Variants in OTUD3 observed in about 807,000 individuals in gnomAD.
The protein encoded by OTUD3 is OTU domain-containing protein 3.
In OTUD3, 24 loss-of-function variants were observed where a neutral mutation model predicts 46.2. That is an observed-to-expected ratio of 0.52 (90% CI 0.38 to 0.73). OTUD3 has a LOEUF of 0.73. OTUD3 is among the 30% of genes least tolerant of loss of function. OTUD3 has a pLI of 0.00. For synonymous variants in OTUD3, 189 were observed against 195.4 expected (o/e 0.97, Z 0.27); for missense variants, 455 against 523.3 (o/e 0.87, Z 1.27).
intron 4 of OTUD3, among the ~76,000 whole-genome samples, chr1:19,900,364 A>AT (rs1186580789): frequency 6.6e-6 from 1 of 151,670 alleles, no homozygotes; most frequent in South Asian, 2.1e-4. Flanking sequence ...CTAATTTTTT[A>AT]TTTTTTGTAG....
rs749611387 is a variant in OTUD3, at chr1:19,906,589, C to T, written c.993C>T (p.Asn331=). ...NKAQASPSEE[N]KANKNQLAKV... is the part of the protein sequence containing the mutation. Reference sequence around the variant, plus strand: ...CACAGGCCAGCCCTAGTGAAGAAAACAAAGCAAATAAAAACCAGCTCGCAA... The same window carrying T: ...CACAGGCCAGCCCTAGTGAAGAAAATAAAGCAAATAAAAACCAGCTCGCAA... Residue 331 remains asparagine (N), a synonymous_variant, in exon 7 of 8, where the codon AAC becomes AAT. Coordinates refer to ENST00000375120, the MANE Select transcript of OTUD3 (RefSeq NM_015207.2). 6.2e-7 allele frequency: 1 copy of T among 1,612,076 alleles called. No homozygotes were observed. The highest frequency in any genetic ancestry group is 8.5e-7 in the Non-Finnish European group (1 of 1,179,380).
chr1:19,893,101 C>G (rs1477155866), intron 2 of OTUD3, among the ~76,000 whole-genome samples: 1 of 152,156 alleles, frequency 6.6e-6, no homozygotes, highest in Non-Finnish European at 1.5e-5. Flanking sequence ...GCTTAGTTGT[C>G]TCAGTTGAGA....
Position 19,904,378 on chromosome 1 carries a change from T to C in OTUD3, c.718T>C (p.Cys240Arg). The change falls in exon 5 of 8, where the codon TGT (cysteine) becomes CGT (arginine). Residue 240 changes from cysteine to arginine, a missense_variant. Physicochemically the swap from Cys to Arg is radical, Grantham distance 180. Coordinates refer to ENST00000375120, the MANE Select transcript of OTUD3 (RefSeq NM_015207.2). ...DEVEDAVQKV[C>R]NATGCSDFNL... is the part of the protein sequence containing the mutation. ...AGTAGAGGATGCTGTCCAGAAAGTTTGTAATGCAACTGGATGTTCAGTTAG... is the reference window on the plus strand; with the variant it reads ...AGTAGAGGATGCTGTCCAGAAAGTTCGTAATGCAACTGGATGTTCAGTTAG... The C allele has an allele frequency of 1.2e-6, 2 of 1,612,568 alleles. No individual in the cohort carries two copies. The highest frequency in any genetic ancestry group is 1.1e-5 in the South Asian group (1 of 90,698).
At chr1:19,891,835 C>T (rs2045451138) in intron 2 of OTUD3, among the ~76,000 whole-genome samples, 1 of 152,208 alleles carries the variant, frequency 6.6e-6, no homozygotes, top group Non-Finnish European at 1.5e-5. Context: ...TCACTGAGTT[C>T]AGATGGTCCC....
intron 2 of OTUD3, among the ~76,000 whole-genome samples, chr1:19,894,058 C>A (rs935888161): frequency 1.3e-5 from 2 of 152,214 alleles, no homozygotes; most frequent in African/African-American, 4.8e-5. Context: ...CTAATGCAAG[C>A]TGCTAAGATT....
chr1:19,891,276 T>G (rs1461992491), intron 2 of OTUD3, among the ~76,000 whole-genome samples: 2 of 152,264 alleles, frequency 1.3e-5, no homozygotes, highest in Non-Finnish European at 2.9e-5. Flanking sequence ...TATGAACTTG[T>G]AAACTTTAAT....
intron 6 of OTUD3, among the ~76,000 whole-genome samples, chr1:19,905,862 T>C (rs1031967900): frequency 6.6e-6 from 1 of 152,230 alleles, no homozygotes; most frequent in African/African-American, 2.4e-5. Flanking sequence ...ATCATAGTGC[T>C]CCATGTGATG....
chr1:19,900,450 A>G (rs1025882212), intron 4 of OTUD3, among the ~76,000 whole-genome samples: 1 of 152,018 alleles, frequency 6.6e-6, no homozygotes, highest in African/African-American at 2.4e-5. Context: ...TCGACCACCC[A>G]AAGTGTTGAG....
Position 19,890,455 on chromosome 1 carries a change from G to C in OTUD3, c.292G>C (p.Glu98Gln), listed in dbSNP as rs554603015. The change falls in exon 2 of 8, where the codon GAG (glutamate) becomes CAG (glutamine). Residue 98 changes from glutamate to glutamine, a missense_variant. Physicochemically the swap from Glu to Gln is conservative, Grantham distance 29 (BLOSUM62 2). Transcript: ENST00000375120. Reference sequence around the variant, plus strand: ...ACGAAATCATCTCAAGCACAGACAGGAGACAGTGGACTACATGATAAAGCA... The same window carrying C: ...ACGAAATCATCTCAAGCACAGACAGCAGACAGTGGACTACATGATAAAGCA... ...HSRNHLKHRQETVDYMIKQRE... is the reference protein window; with the variant it reads ...HSRNHLKHRQQTVDYMIKQRE... 6.2e-7 allele frequency: 1 copy of C among 1,613,902 alleles called. No homozygotes were observed. The highest frequency in any genetic ancestry group is 8.5e-7 in the Non-Finnish European group (1 of 1,179,788).
At chr1:19,890,271 T>A in intron 1 of OTUD3, 114 bp from the exon 2 acceptor site, 1 of 1,051,046 alleles carries the variant, frequency 9.5e-7, no homozygotes, top group Middle Eastern at 2.2e-4. Flanking sequence ...GAGTTGAGTC[T>A]TTACCTCTGT....
rs928690779 is a variant in OTUD3, at chr1:19,911,700, T to C, written c.*3954T>C. The C allele has an allele frequency of 7.2e-5, 11 of 152,292 alleles. No individual in the cohort carries two copies. The highest frequency in any genetic ancestry group is 2.4e-4 in the African/African-American group (10 of 41,422). The allele number at this position is 152,292 out of a possible 1,614,324, so 9.4% of individuals were successfully genotyped here. On this transcript the variant is annotated 3_prime_UTR_variant, in exon 8 of 8. Coordinates refer to ENST00000375120, the MANE Select transcript of OTUD3 (RefSeq NM_015207.2). ...ACCCTGCCCGGCCAGTAAATTGTAT[T>C]TTTTTAATGACATCATTGATTTGAA...
rs1447775752 is a variant in OTUD3 at position 19,912,326 on chromosome 1, A to T, written c.*4580A>T. The T allele has an allele frequency of 2.0e-5, 3 of 152,360 alleles. No homozygotes were observed. The South Asian group carries it at 6.2e-4, about 32-fold the overall frequency. The allele number at this position is 152,360 out of a possible 1,614,324, so 9.4% of individuals were successfully genotyped here. On this transcript the variant is annotated 3_prime_UTR_variant, in exon 8 of 8. Coordinates refer to ENST00000375120, the MANE Select transcript of OTUD3 (RefSeq NM_015207.2). ...GGTTTGATCCCTGGCAGGTCCCTCGAGCAGTACTGGTAAGAGGCTTCACAC... is the reference window on the plus strand; with the variant it reads ...GGTTTGATCCCTGGCAGGTCCCTCGTGCAGTACTGGTAAGAGGCTTCACAC...
Position 19,882,552 on chromosome 1 carries a change from C to T in OTUD3, c.39C>T (p.Ser13=), listed in dbSNP as rs1357866415. The T allele has an allele frequency of 1.5e-6, 2 of 1,352,292 alleles. No homozygotes were observed. The highest frequency in any genetic ancestry group is 1.9e-5 in the South Asian group (1 of 52,028). 83.8% of individuals were successfully genotyped at this position (1,352,292 alleles called of 1,614,324 possible). A position where few individuals can be genotyped will look rare whatever the true frequency, so the allele number is the denominator to read the frequency against. Residue 13 remains serine (S), a synonymous_variant, in exon 1 of 8, where the codon AGC becomes AGT. Coordinates refer to ENST00000375120, the MANE Select transcript of OTUD3 (RefSeq NM_015207.2). The part of the protein sequence containing the change: ...RKQAAKSRPG[S]GSRKAEAERK... ...AGGCGGCGAAGAGCCGGCCGGGCAG[C>T]GGCAGCCGGAAAGCCGAGGCCGAGC...
rs1355140013 is a variant in OTUD3 at position 19,904,895 on chromosome 1, T to G, written c.743T>G (p.Phe248Cys). 3 of 1,504,926 alleles carry G rather than the reference T, an allele frequency of 2.0e-6. No homozygotes were observed. The highest frequency in any genetic ancestry group is 9.2e-7 in the Non-Finnish European group (1 of 1,091,562). The allele number at this position is 1,504,926 out of a possible 1,614,324, so 93.2% of individuals were successfully genotyped here. The change falls in exon 6 of 8, where the codon TTT (phenylalanine) becomes TGT (cysteine). Residue 248 changes from phenylalanine to cysteine, a missense_variant. Phe to Cys is a radical substitution (Grantham distance 205). Transcript: ENST00000375120. Reference protein sequence around the residue: ...KVCNATGCSDFNLIVQNLEAE... With the variant: ...KVCNATGCSDCNLIVQNLEAE... ...GTTTGTTTGTTTCTTGGATAGGATT[T>G]TAATTTAATAGTCCAGAACCTGGAA...
chr1:19,889,407 A>T (rs1288914140), intron 1 of OTUD3, among the ~76,000 whole-genome samples: 1 of 152,084 alleles, frequency 6.6e-6, no homozygotes, highest in East Asian at 1.9e-4. Flanking sequence ...TTTCCTACAC[A>T]TTTAGACATG....
chr1:19,883,583 T>G (rs1285088085), intron 1 of OTUD3, among the ~76,000 whole-genome samples: 2 of 152,150 alleles, frequency 1.3e-5, no homozygotes, highest in Non-Finnish European at 2.9e-5. Flanking sequence ...ATTTGAGTGC[T>G]CAGATCCTGC....
intron 4 of OTUD3, among the ~76,000 whole-genome samples, chr1:19,898,425 G>A (rs1342355363): frequency 6.6e-6 from 1 of 151,886 alleles, no homozygotes; most frequent in Non-Finnish European, 1.5e-5. Context: ...TTTGTTTCCT[G>A]TTTTTAAAAA....
chr1:19,894,421 T>C lies in OTUD3; in HGVS notation c.424T>C (p.Phe142Leu). ...TFAGNDAIVA[F>L]ARNHQLNVVI... ...TGCTGGCAATGATGCAATTGTAGCCTTTGCAAGAAATCATCAGTTGAATGT... is the reference window on the plus strand; with the variant it reads ...TGCTGGCAATGATGCAATTGTAGCCCTTGCAAGAAATCATCAGTTGAATGT... Residue 142 changes from phenylalanine to leucine, a missense_variant, in exon 3 of 8, where the codon TTT (phenylalanine) becomes CTT (leucine). By Grantham distance (22) the Phe-to-Leu change is conservative. Coordinates refer to ENST00000375120, the MANE Select transcript of OTUD3 (RefSeq NM_015207.2). 1 of 1,611,740 alleles carries C rather than the reference T, an allele frequency of 6.2e-7. No homozygotes were observed. The highest frequency in any genetic ancestry group is 8.5e-7 in the Non-Finnish European group (1 of 1,178,878).
At chr1:19,897,687 C>A in intron 4 of OTUD3, 25 bp downstream of exon 4, 1 of 1,608,712 alleles carries the variant, frequency 6.2e-7, no homozygotes, top group Non-Finnish European at 8.5e-7. Flanking sequence ...GGATTTCTCC[C>A]GTATTCCCCG....
Sources: allele counts gnomAD v4.1 joint callset (sites outside exome capture counted in the v4.1 genomes callset), GRCh38; gene constraint gnomAD v4.1.1; transcripts MANE v1.5; gene names NCBI Gene and HGNC (gene_info 2026-07-23, HGNC 2026-07-21).